BICRAL: variants seen among roughly 807,000 people sequenced by gnomAD.
BICRAL encodes BICRA like chromatin remodeling complex associated protein.
BICRAL carries 8 observed loss-of-function variants against 91.8 expected under a neutral mutation model. That is an observed-to-expected ratio of 0.09 (90% confidence interval 0.05 to 0.16). BICRAL has a LOEUF of 0.16. BICRAL is among the 10% of genes least tolerant of loss of function. The pLI is 1.00. For synonymous variants in BICRAL, 445 were observed against 491.1 expected (o/e 0.91, Z 1.24); for missense variants, 1,038 against 1,310.9 (o/e 0.79, Z 3.21).
At chr6:42,767,211 A>G (rs573014277) in intron 1 of BICRAL, among the ~76,000 whole-genome samples, 7 of 152,254 alleles carry the variant, frequency 4.6e-5, no homozygotes, top group African/African-American at 1.4e-4. Context: ...AATTGTTTAA[A>G]AAGAGGAAAA....
intron 6 of BICRAL, among the ~76,000 whole-genome samples, chr6:42,831,938 C>T (rs1454170292): frequency 1.3e-5 from 2 of 151,752 alleles, no homozygotes; most frequent in Non-Finnish European, 2.9e-5. Context: ...AGGGTTTCAC[C>T]ATGTCGCCCA....
At chr6:42,784,468 T>A (rs1038568908) in intron 1 of BICRAL, among the ~76,000 whole-genome samples, 1 of 152,216 alleles carries the variant, frequency 6.6e-6, no homozygotes, top group Admixed American at 6.5e-5. Context: ...TTTATAAATA[T>A]ACATAGTGGA....
In BICRAL at chr6:42,860,326, A is replaced by T. The variant is rs200777592; in HGVS notation, c.2319A>T (p.Lys773Asn). The T allele has an allele frequency of 2.5e-6, 4 of 1,609,246 alleles. No individual in the cohort carries two copies. The highest frequency in any genetic ancestry group is 3.4e-6 in the Non-Finnish European group (4 of 1,175,808). The stretch of plus-strand genomic sequence containing the variant: ...AAAGGACCCAAGCTATGCTTAACAA[A>T]TACAGATGCCTGCTCCTAGAAGATG... ...LLKRTQAMLN[K>N]YRCLLLEDAM... Residue 773 changes from lysine to asparagine, a missense_variant, in exon 11 of 13, where the codon AAA becomes AAT. Coordinates refer to ENST00000314073, the MANE Select transcript of BICRAL (RefSeq NM_001393499.1).
intron 12 of BICRAL, among the ~76,000 whole-genome samples, chr6:42,863,834 C>G (rs1339204956): frequency 6.6e-6 from 1 of 152,104 alleles, no homozygotes; most frequent in Non-Finnish European, 1.5e-5. Flanking sequence ...TCAAGACCAG[C>G]CTGACCAACA....
At chr6:42,855,784 T>C (rs1241682777) in intron 8 of BICRAL, 72 bp from the exon 9 acceptor site, 6 of 1,174,576 alleles carry the variant, frequency 5.1e-6, no homozygotes, top group African/African-American at 1.5e-5. Context: ...ATGTGAACTA[T>C]AGTGACCTTT....
intron 9 of BICRAL, among the ~76,000 whole-genome samples, 156 bp downstream of exon 9, chr6:42,856,073 T>C (rs1055764652): frequency 3.9e-5 from 6 of 152,042 alleles, no homozygotes. Context: ...ACTCCTGTAA[T>C]CTCAGCACTT....
At chr6:42,824,437 T>G (rs1764230182) in intron 5 of BICRAL, among the ~76,000 whole-genome samples, 1 of 152,050 alleles carries the variant, frequency 6.6e-6, no homozygotes, top group South Asian at 2.1e-4. Context: ...CTCTGCCTCC[T>G]GGGTTCAAGC....
At chr6:42,791,399 G>A (rs1763268636) in intron 1 of BICRAL, among the ~76,000 whole-genome samples, 1 of 152,072 alleles carries the variant, frequency 6.6e-6, no homozygotes, top group Non-Finnish European at 1.5e-5. Flanking sequence ...TAAAATTAAA[G>A]CCCTGAGTCT....
chr6:42,764,324 G>A (rs1762602676), intron 1 of BICRAL, among the ~76,000 whole-genome samples: 1 of 151,774 alleles, frequency 6.6e-6, no homozygotes, highest in African/African-American at 2.4e-5. Context: ...GAGGTGGGTG[G>A]GAGGATTGCT....
At chr6:42,833,010 T>C (rs1764537316) in intron 6 of BICRAL, among the ~76,000 whole-genome samples, 1 of 152,018 alleles carries the variant, frequency 6.6e-6, no homozygotes, top group South Asian at 2.1e-4. Context: ...TGTTTTGGTG[T>C]TTTTTCTTTA....
At chr6:42,816,811 A>G (rs542974080) in intron 2 of BICRAL, among the ~76,000 whole-genome samples, 129 of 151,836 alleles carry the variant, frequency 8.5e-4, no homozygotes, top group Non-Finnish European at 1.6e-3. Flanking sequence ...TCAGGAGATC[A>G]AGACCATCCT....
At chr6:42,812,656 A>G (rs1158450370) in intron 2 of BICRAL, among the ~76,000 whole-genome samples, 1 of 152,168 alleles carries the variant, frequency 6.6e-6, no homozygotes. Flanking sequence ...TTAACAGAAG[A>G]TTAGAGACTG....
At chr6:42,846,521 A>C (rs920417918) in intron 6 of BICRAL, among the ~76,000 whole-genome samples, 2 of 152,164 alleles carry the variant, frequency 1.3e-5, no homozygotes, top group African/African-American at 4.8e-5. Flanking sequence ...GAATTTGAGA[A>C]CCACTGCCTC....
chr6:42,761,903 C>CA (rs1190062431), intron 1 of BICRAL, among the ~76,000 whole-genome samples: 2,472 of 132,944 alleles, frequency 0.019, 56 homozygotes, highest in African/African-American at 0.055. Flanking sequence ...GACCTTGTCT[C>CA]AAAAAAAAAA....
At chr6:42,807,036 G>A (rs1252776240) in intron 1 of BICRAL, among the ~76,000 whole-genome samples, 1 of 151,680 alleles carries the variant, frequency 6.6e-6, no homozygotes, top group Non-Finnish European at 1.5e-5. Flanking sequence ...TTGCCATGTT[G>A]GCCAGGCTGG....
Position 42,848,250 on chromosome 6 carries a change from T to C in BICRAL, c.1840-3842T>C, listed in dbSNP as rs556903610. On this transcript the variant is annotated intron_variant, in intron 6 of 12. Coordinates refer to ENST00000314073, the MANE Select transcript of BICRAL (RefSeq NM_001393499.1). ...CTGGGCGACAGAGTGAGACTCCATC[T>C]CAAAAAAAAAAAAATTAGCCAGGCA... is the stretch of plus-strand genomic sequence containing the variant. Among the ~76,000 whole-genome samples, 72 of 149,340 alleles carry C rather than the reference T, an allele frequency of 4.8e-4. 1 individual carries two copies. Among genetic ancestry groups the C allele is most frequent in the African/African-American group, 1.7e-3 (70 of 40,330 alleles).
At chr6:42,787,879 A>T (rs561412150) in intron 1 of BICRAL, among the ~76,000 whole-genome samples, 33 of 150,162 alleles carry the variant, frequency 2.2e-4, no homozygotes, top group Non-Finnish European at 3.4e-4. Flanking sequence ...GGGGTCAAAG[A>T]AGAGGGCTTT....
chr6:42,755,606 C>A (rs927968618), intron 1 of BICRAL, among the ~76,000 whole-genome samples: 4 of 152,072 alleles, frequency 2.6e-5, no homozygotes, highest in Admixed American at 2.6e-4. Flanking sequence ...GGGCAAAGCT[C>A]CCACCAGGGT....
chr6:42,779,257 C>T (rs1485110921), upstream of BICRAL, among the ~76,000 whole-genome samples: 3 of 148,906 alleles, frequency 2.0e-5, no homozygotes, highest in Non-Finnish European at 3.0e-5. Flanking sequence ...CACACACACA[C>T]ACACACACAC....
Sources: allele counts gnomAD v4.1 joint callset (sites outside exome capture counted in the v4.1 genomes callset), GRCh38; gene constraint gnomAD v4.1.1; transcripts MANE v1.5; gene names NCBI Gene and HGNC (gene_info 2026-07-23, HGNC 2026-07-21).